The following SEPTIN11 variants were observed in gnomAD, a reference collection of about 807,000 sequenced individuals.
SEPTIN11 encodes septin 11.
SEPTIN11 carries 25 observed loss-of-function variants against 51.4 expected under a neutral mutation model. The ratio of observed to expected loss-of-function variants is 0.49; its 90% CI spans 0.35 to 0.68. SEPTIN11 has a LOEUF of 0.68. SEPTIN11 is among the 30% of genes least tolerant of loss of function. The pLI is 0.00. For missense variants in SEPTIN11, 381 were observed against 520.8 expected (o/e 0.73, Z 2.61); for synonymous variants, 174 against 184.1 (o/e 0.95, Z 0.44).
At chr4:76,978,808 C>T (rs28670872) in intron 1 of SEPTIN11, among the ~76,000 whole-genome samples, 2,621 of 152,296 alleles carry the variant, frequency 0.017, 79 homozygotes, top group African/African-American at 0.059. Context: ...TCTTCACTAC[C>T]GTGTCTCTCC....
At chr4:77,001,350 CT>C (rs35682077) in intron 2 of SEPTIN11, among the ~76,000 whole-genome samples, 90,656 of 148,200 alleles carry the variant, frequency 0.61, 27,532 homozygotes, top group Middle Eastern at 0.67. Context: ...TTTCAATTAA[CT>C]TTTTTTTTTT....
intron 1 of SEPTIN11, among the ~76,000 whole-genome samples, chr4:76,989,027 T>C (rs979534506): frequency 2.0e-5 from 3 of 152,240 alleles, no homozygotes; most frequent in Non-Finnish European, 4.4e-5. Flanking sequence ...AATGACGGAA[T>C]TGGATTTATG....
rs186412585 is a variant in SEPTIN11, at chr4:77,018,217, A to G, written c.688-948A>G. 8.8e-4 allele frequency among the ~76,000 whole-genome samples: 134 copies of G among 151,970 alleles called. 1 individual carries two copies. Among genetic ancestry groups the G allele is most frequent in the East Asian group, 6.0e-3 (31 of 5,184 alleles). ...AGTAATCCCAGCACTTTCGGAGGCC[A>G]AGGCGGGCGGATCACAAGGTCAGGA... On this transcript the variant is annotated intron_variant, in intron 5 of 9. Transcript: ENST00000264893.
At position 77,036,977 on chromosome 4, in the gene SEPTIN11, G is replaced by T. The variant is rs1127587; in HGVS notation, c.*2465G>T. Reference sequence around the variant, plus strand: ...TTGAGTAGCCTTTGTTTAAAAAAAAGACTAAATATATTTAAAAGGCCACAT... The same window carrying T: ...TTGAGTAGCCTTTGTTTAAAAAAAATACTAAATATATTTAAAAGGCCACAT... On this transcript the variant is annotated 3_prime_UTR_variant, in exon 10 of 10. Coordinates refer to ENST00000264893, the MANE Select transcript of SEPTIN11 (RefSeq NM_018243.4). 7.9e-7 allele frequency: 1 copy of T among 1,259,968 alleles called. No individual in the cohort carries two copies. 78.0% of individuals were successfully genotyped at this position (1,259,968 alleles called of 1,614,324 possible).
rs372958477 is a variant in SEPTIN11 at position 77,019,197 on chromosome 4, C to T, written c.720C>T (p.Thr240=). 46 of 1,613,430 alleles carry T rather than the reference C, an allele frequency of 2.9e-5. No individual in the cohort carries two copies. The Admixed American group carries it at 5.7e-4, about 20-fold the overall frequency. Reference sequence around the variant, plus strand: ...TCCCATTTGCAGTGGTTGGCAGCACCGAAGAGGTGAAGATTGGCAACAAGA... The same window carrying T: ...TCCCATTTGCAGTGGTTGGCAGCACTGAAGAGGTGAAGATTGGCAACAAGA... ...VHLPFAVVGS[T]EEVKIGNKMA... Residue 240 remains threonine (T), a synonymous_variant, in exon 6 of 10, where the codon ACC becomes ACT. Transcript: ENST00000264893.
intron 1 of SEPTIN11, chr4:76,987,884 CTCTT>C: frequency 1.1e-6 from 1 of 924,724 alleles, no homozygotes; most frequent in Non-Finnish European, 1.3e-6. Flanking sequence ...TGTACTTCTT[CTCTT>C]TTCCAAGTGG....
At chr4:76,963,598 T>A (rs980511502) in intron 1 of SEPTIN11, among the ~76,000 whole-genome samples, 10 of 152,222 alleles carry the variant, frequency 6.6e-5, no homozygotes. Flanking sequence ...GCCATCACAG[T>A]CGTCAAATAT....
chr4:77,036,499 T>C lies in SEPTIN11; in HGVS notation c.*1987T>C, dbSNP rs992511037. 14 of 1,323,886 alleles carry C rather than the reference T, an allele frequency of 1.1e-5. No homozygotes were observed. Among genetic ancestry groups the C allele is most frequent in the Non-Finnish European group, 1.3e-5 (13 of 1,036,912 alleles). The allele number at this position is 1,323,886 out of a possible 1,614,324, so 82.0% of individuals were successfully genotyped here. A position where few individuals can be genotyped will look rare whatever the true frequency, so the allele number is the denominator to read the frequency against. ...ATTGTCTCTTGCATCACTAAAATTT[T>C]TTTAAAATGAGCATAACAACGAAAG... is the stretch of plus-strand genomic sequence containing the variant. On this transcript the variant is annotated 3_prime_UTR_variant, in exon 10 of 10. Coordinates refer to ENST00000264893, the MANE Select transcript of SEPTIN11 (RefSeq NM_018243.4).
intron 2 of SEPTIN11, among the ~76,000 whole-genome samples, chr4:77,000,755 AGTGCAATTGTTTAATGAAATGCCAG>A (rs1724060544): frequency 6.6e-6 from 1 of 152,208 alleles, no homozygotes; most frequent in African/African-American, 2.4e-5. Context: ...CCTCTAAGTC[AGTGCAATTGTTTAATGAAATGCCAG>A]GTGCCACACG....
chr4:77,037,653 T>C lies in SEPTIN11; in HGVS notation c.*3141T>C. 1 of 985,786 alleles carries C rather than the reference T, an allele frequency of 1.0e-6. No individual in the cohort carries two copies. 61.1% of individuals were successfully genotyped at this position (985,786 alleles called of 1,614,324 possible). A position where few individuals can be genotyped will look rare whatever the true frequency, so the allele number is the denominator to read the frequency against. ...AACTAGCTGGCCTTACCCCATATCTTTTGTTCAAACATAATACCATCTTTT... is the reference window on the plus strand; with the variant it reads ...AACTAGCTGGCCTTACCCCATATCTCTTGTTCAAACATAATACCATCTTTT... On this transcript the variant is annotated 3_prime_UTR_variant, in exon 10 of 10. Coordinates refer to ENST00000264893, the MANE Select transcript of SEPTIN11 (RefSeq NM_018243.4).
At chr4:76,978,486 T>G (rs548838629) in intron 1 of SEPTIN11, among the ~76,000 whole-genome samples, 5 of 152,148 alleles carry the variant, frequency 3.3e-5, no homozygotes, top group Non-Finnish European at 7.3e-5. Flanking sequence ...GTAACTTTTC[T>G]AGACTCCCAG....
At position 76,958,774 on chromosome 4, in the gene SEPTIN11, C is replaced by A. The variant is rs988984946; in HGVS notation, c.27+8844C>A. ...CCCAGATGGCAATTAGGTTTATAAT[C>A]TTCATACTTTATGTTTTTTGTAAAT... On this transcript the variant is annotated intron_variant, in intron 1 of 9. Coordinates refer to ENST00000264893, the MANE Select transcript of SEPTIN11 (RefSeq NM_018243.4). 24 of 810,992 alleles carry A rather than the reference C, an allele frequency of 3.0e-5. No individual in the cohort carries two copies. In the African/African-American group the frequency reaches 3.1e-4, roughly 11 times the overall value. The allele number at this position is 810,992 out of a possible 1,614,324, so 50.2% of individuals were successfully genotyped here.
chr4:76,995,570 A>G (rs924583014), intron 1 of SEPTIN11, among the ~76,000 whole-genome samples: 1 of 152,138 alleles, frequency 6.6e-6, no homozygotes, highest in African/African-American at 2.4e-5. Context: ...AACCATAACC[A>G]TGATATTATA....
chr4:76,993,902 C>T (rs915172145), intron 1 of SEPTIN11, among the ~76,000 whole-genome samples: 3 of 152,118 alleles, frequency 2.0e-5, no homozygotes, highest in Non-Finnish European at 4.4e-5. Context: ...GGTGGCTTCT[C>T]GTGTTTTGGA....
At chr4:76,963,711 T>A (rs1721913546) in intron 1 of SEPTIN11, among the ~76,000 whole-genome samples, 1 of 152,258 alleles carries the variant, frequency 6.6e-6, no homozygotes, top group Non-Finnish European at 1.5e-5. Context: ...ATGTGGCAAG[T>A]GGCTACCATA....
chr4:77,007,056 C>T (rs1009543561), intron 3 of SEPTIN11, among the ~76,000 whole-genome samples: 18 of 152,146 alleles, frequency 1.2e-4, no homozygotes, highest in Admixed American at 1.0e-3. Flanking sequence ...GGAACAAGTT[C>T]AGCTCTGACA....
chr4:77,014,794 T>C, intron 4 of SEPTIN11, 62 bp from the exon 5 acceptor site: 1 of 1,528,084 alleles, frequency 6.5e-7, no homozygotes, highest in Non-Finnish European at 9.0e-7. Flanking sequence ...TGCTATGTTT[T>C]ATTCACTTGT....
Position 77,036,871 on chromosome 4 carries a change from T to C in SEPTIN11, c.*2359T>C. The C allele has an allele frequency of 1.2e-5, 17 of 1,418,034 alleles. No individual in the cohort carries two copies. The highest frequency in any genetic ancestry group is 1.6e-5 in the Non-Finnish European group (17 of 1,093,728). 87.8% of individuals were successfully genotyped at this position (1,418,034 alleles called of 1,614,324 possible). On this transcript the variant is annotated 3_prime_UTR_variant, in exon 10 of 10. Transcript: ENST00000264893. ...GGTAGTAAGAAACCTTTGAGATCTT[T>C]CTGACTTTTCAAAATTAGAGAAAGC...
chr4:76,977,059 A>G (rs1722534950), intron 1 of SEPTIN11, among the ~76,000 whole-genome samples: 1 of 152,244 alleles, frequency 6.6e-6, no homozygotes, highest in Non-Finnish European at 1.5e-5. Flanking sequence ...AAAGAAGAGT[A>G]TAGTGTTCTA....
Sources: allele counts gnomAD v4.1 joint callset (sites outside exome capture counted in the v4.1 genomes callset), GRCh38; gene constraint gnomAD v4.1.1; transcripts MANE v1.5; gene names NCBI Gene and HGNC (gene_info 2026-07-23, HGNC 2026-07-21).